The following NEMP2 variants were observed in gnomAD, a reference collection of about 807,000 sequenced individuals.
NEMP2 encodes nuclear envelope integral membrane protein 2.
Under a neutral mutation model 54.2 loss-of-function variants are expected in NEMP2, and 53 were observed. The ratio of observed to expected loss-of-function variants is 0.98; its 90% confidence interval spans 0.78 to 1.23. The LOEUF is 1.23. NEMP2 is among the 50% of genes most tolerant of loss of function. The pLI, the probability that NEMP2 is intolerant of heterozygous loss-of-function variation, is 0.00. For missense variants in NEMP2, 455 were observed against 511.3 expected, an observed-to-expected ratio of 0.89 and a Z score of 1.06; for synonymous variants, 197 against 190.3, an observed-to-expected ratio of 1.04 and a Z score of -0.29.
chr2:190,423,574 A>T, the NEMP2 span, among the ~76,000 whole-genome samples: 2 of 152,172 alleles, frequency 1.3e-5, no homozygotes, highest in African/African-American at 2.4e-5. The surrounding 1 kb of genome is among the most constrained non-coding windows in gnomAD (Gnocchi z 4.3). Flanking sequence ...CTTTTTGGCT[A>T]TTATGAAGAA....
chr2:190,549,163 C>T, the NEMP2 span, among the ~76,000 whole-genome samples: 7 of 152,190 alleles, frequency 4.6e-5, no homozygotes, highest in Non-Finnish European at 7.3e-5. Flanking sequence ...TGCCTCTGTT[C>T]TCTGTTCCTG....
rs752455011 is a variant in NEMP2, at chr2:190,509,233, C to G, written c.1210G>C (p.Gly404Arg). 5 of 1,551,510 alleles carry G rather than the reference C, an allele frequency of 3.2e-6. No individual in the cohort carries two copies. Among genetic ancestry groups the G allele is most frequent in the Non-Finnish European group, 4.4e-6 (5 of 1,147,004 alleles). The change falls in exon 9 of 9, where the codon GGT becomes CGT. Residue 404 changes from glycine (G) to arginine (R), a missense_variant. Transcript: ENST00000409150. This position sits in a 1 kb window ranked among gnomAD's most constrained non-coding sequence, Gnocchi z 6.1. ...AAGAGCTGCTCTTCCAAGAAGGCAC[C>G]CCCAAGGCCATACTGCTCTTCATGC... ...SLHEEQYGLG[G>R]AFLEEQLFNP...
At chr2:190,467,715 A>G in the NEMP2 span, among the ~76,000 whole-genome samples, 1 of 152,242 alleles carries the variant, frequency 6.6e-6, no homozygotes, top group South Asian at 2.1e-4. This position sits in a 1 kb window ranked among gnomAD's most constrained non-coding sequence, Gnocchi z 5.5. Context: ...CCGTGAACTA[A>G]GAATAATAGT....
At chr2:190,535,285 A>T (rs781030050), upstream of NEMP2, among the ~76,000 whole-genome samples, 4 of 152,214 alleles carry the variant, frequency 2.6e-5, no homozygotes, top group Non-Finnish European at 5.9e-5. Flanking sequence ...AGTAACACTG[A>T]CTTGTATGTC....
the NEMP2 span, among the ~76,000 whole-genome samples, chr2:190,475,181 T>A: frequency 6.6e-6 from 1 of 152,040 alleles, no homozygotes; most frequent in African/African-American, 2.4e-5. Context: ...CTCTCACCAC[T>A]CCTATTCAAC....
At chr2:190,636,413 A>AT in the NEMP2 span, among the ~76,000 whole-genome samples, 6 of 152,302 alleles carry the variant, frequency 3.9e-5, no homozygotes, top group African/African-American at 1.4e-4. Flanking sequence ...AACTTGTTAT[A>AT]TTTTTTTCAG....
chr2:190,572,000 C>T, the NEMP2 span, among the ~76,000 whole-genome samples: 1 of 152,168 alleles, frequency 6.6e-6, no homozygotes, highest in African/African-American at 2.4e-5. Context: ...GCTCCCTAAT[C>T]ATTTCTAGCT....
chr2:190,545,159 T>G, the NEMP2 span, among the ~76,000 whole-genome samples: 1 of 152,100 alleles, frequency 6.6e-6, no homozygotes, highest in Admixed American at 6.5e-5. Flanking sequence ...ATTTTTCAGT[T>G]AGTAGGTTTA....
At chr2:190,575,457 A>T in the NEMP2 span, among the ~76,000 whole-genome samples, 1 of 152,040 alleles carries the variant, frequency 6.6e-6, no homozygotes, top group South Asian at 2.1e-4. Context: ...GTGGCATTTT[A>T]AAAAAATCTT....
intron 1 of NEMP2, 95 bp downstream of exon 1, chr2:190,534,464 G>C (rs994513940): frequency 2.4e-6 from 3 of 1,254,006 alleles, no homozygotes; most frequent in Middle Eastern, 3.1e-4. Context: ...TGGGCCTCGC[G>C]GTGCCGCCCG....
In NEMP2 at chr2:190,533,701, A is replaced by G. The variant is rs1410004195; in HGVS notation, c.97+858T>C. 6.6e-6 allele frequency among the ~76,000 whole-genome samples: 1 copy of G among 152,112 alleles called. No homozygotes were observed. Among genetic ancestry groups the G allele is most frequent in the African/African-American group, 2.4e-5 (1 of 41,434 alleles). On this transcript the variant is annotated intron_variant, in intron 1 of 8. Coordinates refer to ENST00000409150, the MANE Select transcript of NEMP2 (RefSeq NM_001142645.2). The surrounding 1 kb of genome is among the most constrained non-coding windows in gnomAD (Gnocchi z 4.3). ...ACACTTGGCAGCCTCCCTTGAAACCAGGGTAGCCAAAGCAAGGAAGGGAAG... is the reference window on the plus strand; with the variant it reads ...ACACTTGGCAGCCTCCCTTGAAACCGGGGTAGCCAAAGCAAGGAAGGGAAG...
chr2:190,561,050 C>A, the NEMP2 span, among the ~76,000 whole-genome samples: 1 of 152,168 alleles, frequency 6.6e-6, no homozygotes, highest in Non-Finnish European at 1.5e-5. This position sits in a 1 kb window ranked among gnomAD's most constrained non-coding sequence, Gnocchi z 5.4. Flanking sequence ...GCTTCTTCCT[C>A]GAGGACTAGG....
the NEMP2 span, among the ~76,000 whole-genome samples, chr2:190,473,220 A>T: frequency 1.5e-3 from 233 of 152,342 alleles, 5 homozygotes; most frequent in Non-Finnish European, 7.3e-4. Flanking sequence ...TGACAGGATC[A>T]AATTCACACA....
the NEMP2 span, among the ~76,000 whole-genome samples, chr2:190,645,665 A>G: frequency 5.8e-3 from 880 of 152,338 alleles, 7 homozygotes; most frequent in African/African-American, 0.02. Context: ...AGCAGTGAAT[A>G]AAAAATTCTG....
chr2:190,498,269 A>G, the NEMP2 span, among the ~76,000 whole-genome samples: 709 of 152,318 alleles, frequency 4.7e-3, 6 homozygotes, highest in African/African-American at 0.016. The surrounding 1 kb of genome is among the most constrained non-coding windows in gnomAD (Gnocchi z 5.9). Context: ...AAAAGTGTGG[A>G]TAATTGTACA....
upstream of NEMP2, among the ~76,000 whole-genome samples, chr2:190,538,667 A>G (rs1691453577): frequency 6.6e-6 from 1 of 151,738 alleles, no homozygotes; most frequent in African/African-American, 2.4e-5. This position sits in a 1 kb window ranked among gnomAD's most constrained non-coding sequence, Gnocchi z 4.1. Flanking sequence ...AACTGAAGTG[A>G]GATACCTCAT....
the NEMP2 span, among the ~76,000 whole-genome samples, chr2:190,602,381 T>C: frequency 2.0e-5 from 3 of 152,222 alleles, 1 homozygote; most frequent in South Asian, 4.1e-4. Context: ...TTGGGAAATA[T>C]CAGTCTTTGT....
At chr2:190,422,732 A>C in the NEMP2 span, among the ~76,000 whole-genome samples, 3 of 152,150 alleles carry the variant, frequency 2.0e-5, no homozygotes, top group African/African-American at 7.2e-5. Flanking sequence ...TCACTCAGAC[A>C]ACTCTTATCT....
chr2:190,534,486 G>T, intron 1 of NEMP2, 73 bp downstream of exon 1: 1 of 1,298,206 alleles, frequency 7.7e-7, no homozygotes, highest in South Asian at 2.3e-5. Context: ...GCCAAAGAGC[G>T]CGCCCTCAGG....
Sources: allele counts gnomAD v4.1 joint callset (sites outside exome capture counted in the v4.1 genomes callset), GRCh38; gene constraint gnomAD v4.1.1; non-coding constraint Gnocchi (gnomAD v3.1); transcripts MANE v1.5; gene names NCBI Gene and HGNC (gene_info 2026-07-23, HGNC 2026-07-21).